Variants in TNFSF4 observed in about 807,000 individuals in gnomAD.
TNFSF4 encodes tumor necrosis factor ligand superfamily member 4.
A neutral mutation model predicts 7.3 loss-of-function variants in TNFSF4; 4 were observed. The ratio of observed to expected loss-of-function variants is 0.55; its 90% CI spans 0.27 to 1.25. TNFSF4 has a LOEUF of 1.25. Ranked by LOEUF, TNFSF4 falls within the 50% of genes most tolerant of loss-of-function variation. The pLI, the probability that TNFSF4 is intolerant of heterozygous loss-of-function variation, is 0.12. For missense variants in TNFSF4, 181 were observed against 208.8 expected (o/e 0.87, Z 0.82); for synonymous variants, 76 against 83.7 (o/e 0.91, Z 0.50).
At chr1:173,197,113 TC>T (rs1649736320) in intron 1 of TNFSF4, among the ~76,000 whole-genome samples, 2 of 152,314 alleles carry the variant, frequency 1.3e-5, no homozygotes, top group East Asian at 3.9e-4. Flanking sequence ...TATACATTGC[TC>T]AAGGTTTTAG....
In TNFSF4 at chr1:173,186,625, T is replaced by G. The variant is rs533161067; in HGVS notation, c.443A>C (p.Lys148Thr). 1.9e-6 allele frequency: 3 copies of G among 1,614,178 alleles called. No homozygotes were observed. The African/African-American group carries it at 4.0e-5, about 22-fold the overall frequency. Residue 148 changes from lysine (K) to threonine (T), a missense_variant, in exon 3 of 3, where the codon AAA becomes ACA. Transcript: ENST00000281834. ...LMVASLTYKD[K>T]VYLNVTTDNT... ...GTCAGTGGTCACATTCAAGTAGACT[T>G]TGTCTTTGTAAGTCAGAGAGGCCAC...
upstream of TNFSF4, among the ~76,000 whole-genome samples, chr1:173,210,030 TG>T (rs1557889067): frequency 6.6e-6 from 1 of 151,938 alleles, no homozygotes; most frequent in East Asian, 1.9e-4. Context: ...AAAAAACATT[TG>T]GGTTTTTTTT....
At chr1:173,435,284 T>C in the TNFSF4 span, among the ~76,000 whole-genome samples, 2 of 152,168 alleles carry the variant, frequency 1.3e-5, no homozygotes, top group Non-Finnish European at 2.9e-5. Context: ...AATAAGAACA[T>C]TCTAAAACTT....
the TNFSF4 span, among the ~76,000 whole-genome samples, chr1:173,393,042 T>G: frequency 6.6e-6 from 1 of 152,074 alleles, no homozygotes; most frequent in Non-Finnish European, 1.5e-5. Context: ...AAGGGAGACG[T>G]GAACACTGAA....
chr1:173,417,565 T>TAGAAAACCA, the TNFSF4 span, among the ~76,000 whole-genome samples: 1 of 152,178 alleles, frequency 6.6e-6, no homozygotes, highest in Non-Finnish European at 1.5e-5. Context: ...GACCAAAACC[T>TAGAAAACCA]AGAAAACCAA....
the TNFSF4 span, among the ~76,000 whole-genome samples, chr1:173,212,517 T>C: frequency 7.2e-5 from 11 of 152,026 alleles, no homozygotes; most frequent in Non-Finnish European, 1.6e-4. Context: ...CTGTTTCATC[T>C]TGTAATTCTT....
At chr1:173,181,392 T>C (rs1649053386), downstream of TNFSF4, among the ~76,000 whole-genome samples, 1 of 152,204 alleles carries the variant, frequency 6.6e-6, no homozygotes, top group Non-Finnish European at 1.5e-5. Flanking sequence ...AGCTGTATTT[T>C]CTCAGCATTG....
chr1:173,445,242 A>C, the TNFSF4 span, among the ~76,000 whole-genome samples: 1 of 152,234 alleles, frequency 6.6e-6, no homozygotes, highest in East Asian at 1.9e-4. Flanking sequence ...TCAGATTATG[A>C]AGAGAAGTCA....
chr1:173,316,446 A>G, the TNFSF4 span, among the ~76,000 whole-genome samples: 1 of 152,148 alleles, frequency 6.6e-6, no homozygotes, highest in East Asian at 1.9e-4. Flanking sequence ...ATATACAGAG[A>G]TATTTCAGAA....
At chr1:173,315,003 G>A in the TNFSF4 span, among the ~76,000 whole-genome samples, 1 of 152,130 alleles carries the variant, frequency 6.6e-6, no homozygotes, top group Non-Finnish European at 1.5e-5. Context: ...GGAGAGAGAG[G>A]TCAAGGTGGT....
chr1:173,422,101 C>CAACA, the TNFSF4 span, among the ~76,000 whole-genome samples: 3 of 152,006 alleles, frequency 2.0e-5, no homozygotes, highest in African/African-American at 7.2e-5. Flanking sequence ...AAAAAAGCGG[C>CAACA]AACAAAGGAA....
the TNFSF4 span, among the ~76,000 whole-genome samples, chr1:173,433,684 C>T: frequency 6.6e-6 from 1 of 152,052 alleles, no homozygotes; most frequent in East Asian, 1.9e-4. Context: ...GCCTGGGCAA[C>T]AAAGTGAGAC....
chr1:173,300,155 T>TGATA, the TNFSF4 span, among the ~76,000 whole-genome samples: 18 of 126,720 alleles, frequency 1.4e-4, no homozygotes, highest in African/African-American at 3.9e-4. Flanking sequence ...AATAGATGAT[T>TGATA]GATAGATACA....
At chr1:173,221,038 C>T in the TNFSF4 span, among the ~76,000 whole-genome samples, 1 of 152,186 alleles carries the variant, frequency 6.6e-6, no homozygotes. Context: ...TCACATGGGT[C>T]AGTCAGGGAA....
intron 1 of TNFSF4, among the ~76,000 whole-genome samples, chr1:173,189,096 T>C (rs1184909803): frequency 2.0e-5 from 3 of 152,158 alleles, no homozygotes; most frequent in Non-Finnish European, 4.4e-5. Context: ...TCTCTTAAGA[T>C]AAATTAGGAC....
At chr1:173,338,627 G>A in the TNFSF4 span, among the ~76,000 whole-genome samples, 18 of 152,258 alleles carry the variant, frequency 1.2e-4, no homozygotes, top group Admixed American at 7.8e-4. Flanking sequence ...CCCATAGCTA[G>A]GGTCCGGGAT....
At chr1:173,402,695 G>C in the TNFSF4 span, among the ~76,000 whole-genome samples, 1 of 152,186 alleles carries the variant, frequency 6.6e-6, no homozygotes, top group Non-Finnish European at 1.5e-5. Flanking sequence ...ATATAGCTTA[G>C]GCACATGGCA....
the TNFSF4 span, among the ~76,000 whole-genome samples, chr1:173,399,366 C>T: frequency 6.6e-6 from 1 of 152,178 alleles, no homozygotes; most frequent in Admixed American, 6.5e-5. Flanking sequence ...AGCACTACAT[C>T]CCCTTTCTGG....
intron 1 of TNFSF4, among the ~76,000 whole-genome samples, chr1:173,203,371 T>C (rs1294962433): frequency 2.0e-5 from 3 of 152,222 alleles, no homozygotes; most frequent in African/African-American, 4.8e-5. Flanking sequence ...CTTCAGATGT[T>C]AATTTTTTAA....
Sources: allele counts gnomAD v4.1 joint callset (sites outside exome capture counted in the v4.1 genomes callset), GRCh38; gene constraint gnomAD v4.1.1; transcripts MANE v1.5; gene names NCBI Gene and HGNC (gene_info 2026-07-23, HGNC 2026-07-21).